The following PCSK6 variants were observed in gnomAD, a reference collection of about 807,000 sequenced individuals.
PCSK6 encodes proprotein convertase subtilisin/kexin type 6.
PCSK6 carries 85 observed loss-of-function variants against 123.3 expected under a neutral mutation model. The ratio of observed to expected loss-of-function variants is 0.69; its 90% CI spans 0.58 to 0.83. The LOEUF (loss-of-function observed/expected upper bound fraction) is 0.83. Among genes scored for constraint, PCSK6 ranks in the 40% least tolerant of loss-of-function variants. The pLI is 0.00. For synonymous variants in PCSK6, 508 were observed against 516.0 expected, an observed-to-expected ratio of 0.98 and a Z score of 0.21; for missense variants, 1,191 against 1,282.3, an observed-to-expected ratio of 0.93 and a Z score of 1.09.
At chr15:101,395,705 A>T (rs969354958) in intron 7 of PCSK6, among the ~76,000 whole-genome samples, 12 of 152,208 alleles carry the variant, frequency 7.9e-5, no homozygotes, top group South Asian at 2.1e-4. Flanking sequence ...CAGTAAACTC[A>T]CAACTTCAAC....
intron 7 of PCSK6, among the ~76,000 whole-genome samples, chr15:101,397,189 A>G (rs144128034): frequency 2.5e-4 from 38 of 152,302 alleles, no homozygotes; most frequent in African/African-American, 8.9e-4. Context: ...TTCTGATAAG[A>G]GGAAATTAAC....
At chr15:101,377,048 T>C (rs547143296) in intron 11 of PCSK6, among the ~76,000 whole-genome samples, 73 of 152,238 alleles carry the variant, frequency 4.8e-4, no homozygotes, top group Non-Finnish European at 8.7e-4. Flanking sequence ...CTTGGCTTCC[T>C]AAAAAGACGT....
At chr15:101,447,226 C>T (rs984362463) in intron 1 of PCSK6, among the ~76,000 whole-genome samples, 1 of 152,136 alleles carries the variant, frequency 6.6e-6, no homozygotes, top group African/African-American at 2.4e-5. Flanking sequence ...CTTCACATCT[C>T]TGGGTGCCTT....
chr15:101,365,559 T>C (rs1490545771), intron 13 of PCSK6, among the ~76,000 whole-genome samples: 2 of 152,120 alleles, frequency 1.3e-5, no homozygotes, highest in African/African-American at 2.4e-5. Context: ...ATCTTAGGTA[T>C]ACGCCCACGA....
At chr15:101,377,272 G>A (rs2141487925) in intron 11 of PCSK6, among the ~76,000 whole-genome samples, 1 of 152,346 alleles carries the variant, frequency 6.6e-6, no homozygotes, top group Non-Finnish European at 1.5e-5. Flanking sequence ...TATCATCCCT[G>A]GAGGTGGTGC....
intron 6 of PCSK6, among the ~76,000 whole-genome samples, chr15:101,415,940 G>A (rs905836634): frequency 3.3e-5 from 5 of 152,178 alleles, no homozygotes; most frequent in Admixed American, 6.5e-5. Flanking sequence ...TCCCAGTCTC[G>A]GGAATGTCTT....
At chr15:101,478,445 A>G (rs1356419869) in intron 1 of PCSK6, among the ~76,000 whole-genome samples, 1 of 152,144 alleles carries the variant, frequency 6.6e-6, no homozygotes, top group Non-Finnish European at 1.5e-5. Context: ...AACCTTCCAC[A>G]GGACAGGCTC....
intron 1 of PCSK6, among the ~76,000 whole-genome samples, chr15:101,488,752 C>T (rs1287624197): frequency 6.6e-6 from 1 of 151,612 alleles, no homozygotes. Flanking sequence ...TGCGCTGTCC[C>T]AAGGCCTCTC....
At chr15:101,354,385 A>C (rs532629926) in intron 13 of PCSK6, among the ~76,000 whole-genome samples, 1 of 152,336 alleles carries the variant, frequency 6.6e-6, no homozygotes, top group South Asian at 2.1e-4. Flanking sequence ...ACTCCCATAC[A>C]CACGTCCAGT....
At chr15:101,487,100 G>A (rs1201709435) in intron 1 of PCSK6, among the ~76,000 whole-genome samples, 1 of 152,222 alleles carries the variant, frequency 6.6e-6, no homozygotes, top group Non-Finnish European at 1.5e-5. Flanking sequence ...TTATTGAGTG[G>A]GTAGAGGCTC....
At chr15:101,386,388 A>G (rs1199801785) in intron 9 of PCSK6, among the ~76,000 whole-genome samples, 3 of 151,838 alleles carry the variant, frequency 2.0e-5, no homozygotes, top group Non-Finnish European at 4.4e-5. Flanking sequence ...TCCCATTTCA[A>G]CCATTTGTAA....
intron 1 of PCSK6, among the ~76,000 whole-genome samples, chr15:101,483,511 T>C (rs1230419861): frequency 3.9e-5 from 6 of 152,196 alleles, no homozygotes; most frequent in African/African-American, 1.4e-4. Flanking sequence ...ATTAGCTCAA[T>C]ACCCCAGGCA....
In PCSK6 at chr15:101,324,867, C is replaced by G; in HGVS notation, c.2360G>C (p.Gly787Ala). 1 of 1,612,790 alleles carries G rather than the reference C, an allele frequency of 6.2e-7. No individual in the cohort carries two copies. The highest frequency in any genetic ancestry group is 2.2e-5 in the East Asian group (1 of 44,856). The change falls in exon 17 of 22, where the codon GGA becomes GCA. Residue 787 changes from glycine (G) to alanine (A), a missense_variant. Physicochemically the swap from Gly to Ala is moderately conservative, Grantham distance 60. Around this residue, in one of 3 missense-constraint regions of PCSK6, gnomAD observed 630 missense variants for 631.4 expected, o/e 1.00. Transcript: ENST00000611716. ...MNTCVTLCPA[G>A]FYADESQKNC... ...CCACTTACTTTCATCAGCATAAAAT[C>G]CTGCAGGACAGAGGGTCACACAGGT...
At chr15:101,455,651 T>G (rs1435982421) in intron 1 of PCSK6, among the ~76,000 whole-genome samples, 2 of 152,220 alleles carry the variant, frequency 1.3e-5, no homozygotes, top group Non-Finnish European at 2.9e-5. Context: ...CAGCTCCCAG[T>G]GCATGAAGAT....
chr15:101,477,504 C>T (rs989712721), intron 1 of PCSK6, among the ~76,000 whole-genome samples: 20 of 152,168 alleles, frequency 1.3e-4, no homozygotes, highest in African/African-American at 2.2e-4. Flanking sequence ...TGAGTGTGCA[C>T]GCACACACTC....
At chr15:101,477,624 T>C (rs1163017111) in intron 1 of PCSK6, among the ~76,000 whole-genome samples, 1 of 152,196 alleles carries the variant, frequency 6.6e-6, no homozygotes, top group African/African-American at 2.4e-5. Flanking sequence ...TTTTCTGTAT[T>C]GCAAAAATAT....
At chr15:101,336,521 T>A (rs950564053) in intron 13 of PCSK6, among the ~76,000 whole-genome samples, 1 of 152,328 alleles carries the variant, frequency 6.6e-6, no homozygotes, top group South Asian at 2.1e-4. Flanking sequence ...AAGGTTAACG[T>A]CGCATTTCTC....
chr15:101,431,576 G>C lies in PCSK6; in HGVS notation c.514-113C>G, dbSNP rs1020986932. On this transcript the variant is annotated intron_variant, in intron 3 of 21. Transcript: ENST00000611716. Reference sequence around the variant, plus strand: ...TTAGGCTTGCAAGTAAAAAAGGAGGGAACACCTATCCCTGCCTTACATAGC... The same window carrying C: ...TTAGGCTTGCAAGTAAAAAAGGAGGCAACACCTATCCCTGCCTTACATAGC... The C allele has an allele frequency of 5.5e-6, 7 of 1,278,146 alleles. No homozygotes were observed. In the African/African-American group the frequency reaches 8.8e-5, roughly 16 times the overall value. 79.2% of individuals were successfully genotyped at this position (1,278,146 alleles called of 1,614,324 possible). A position where few individuals can be genotyped will look rare whatever the true frequency, so the allele number is the denominator to read the frequency against.
intron 9 of PCSK6, among the ~76,000 whole-genome samples, chr15:101,386,267 A>C (rs1184633518): frequency 6.6e-6 from 1 of 152,114 alleles, no homozygotes; most frequent in East Asian, 1.9e-4. Flanking sequence ...GAGAGAGCTG[A>C]AGTACCCAGC....
Sources: allele counts gnomAD v4.1 joint callset (sites outside exome capture counted in the v4.1 genomes callset), GRCh38; gene constraint gnomAD v4.1.1; regional missense constraint gnomAD v4.1.1; transcripts MANE v1.5; gene names NCBI Gene and HGNC (gene_info 2026-07-23, HGNC 2026-07-21).